KCNIP4: variants seen among roughly 807,000 people sequenced by gnomAD.
KCNIP4 encodes Kv channel-interacting protein 4.
Under a neutral mutation model 34.0 loss-of-function variants are expected in KCNIP4, and 12 were observed. The ratio of observed to expected loss-of-function variants is 0.35; its 90% confidence interval spans 0.23 to 0.57. The LOEUF (loss-of-function observed/expected upper bound fraction) is 0.57. Ranked by LOEUF, KCNIP4 falls within the 20% of genes least tolerant of loss-of-function variation. The pLI, the probability that KCNIP4 is intolerant of heterozygous loss-of-function variation, is 0.83. For missense variants in KCNIP4, 238 were observed against 311.7 expected (o/e 0.76, Z 1.78); for synonymous variants, 124 against 102.2 (o/e 1.21, Z -1.29).
intron 1 of KCNIP4, among the ~76,000 whole-genome samples, chr4:21,543,791 A>C (rs1737900597): frequency 1.3e-5 from 2 of 152,146 alleles, no homozygotes; most frequent in African/African-American, 4.8e-5. Context: ...CCAGGGAAGA[A>C]GACCTTTTTC....
intron 1 of KCNIP4, among the ~76,000 whole-genome samples, chr4:21,051,122 T>C (rs1379724129): frequency 6.6e-6 from 1 of 152,222 alleles, no homozygotes; most frequent in African/African-American, 2.4e-5. Flanking sequence ...AGCCCATGTT[T>C]TATTCATGGT....
chr4:21,508,440 C>T (rs1355980941), intron 1 of KCNIP4, among the ~76,000 whole-genome samples: 15 of 152,096 alleles, frequency 9.9e-5, no homozygotes, highest in Admixed American at 8.5e-4. Flanking sequence ...AGAAATGTCC[C>T]CTCTTCCACC....
intron 1 of KCNIP4, among the ~76,000 whole-genome samples, chr4:21,661,650 A>T (rs1748463415): frequency 6.6e-6 from 1 of 152,166 alleles, no homozygotes; most frequent in Non-Finnish European, 1.5e-5. Flanking sequence ...GTGATGAGCC[A>T]AATTGGCCAG....
rs148928365 is a variant in KCNIP4 at position 21,156,212 on chromosome 4, C to G, written c.62-273503G>C. Among the ~76,000 whole-genome samples, 687 of 152,286 alleles carry G rather than the reference C, an allele frequency of 4.5e-3. 3 individuals are homozygous for G. The highest frequency in any genetic ancestry group is 7.5e-3 in the Non-Finnish European group (513 of 68,006). On this transcript the variant is annotated intron_variant, in intron 1 of 8. Transcript: ENST00000382152. ...GGCAGCTGTACACAGTCAGCTTCAC[C>G]TTCAATATTGTGAAACGGTTGCTTG... is the stretch of plus-strand genomic sequence containing the variant.
intron 1 of KCNIP4, among the ~76,000 whole-genome samples, chr4:20,973,152 G>C (rs1218924742): frequency 1.3e-5 from 2 of 152,166 alleles, no homozygotes; most frequent in African/African-American, 4.8e-5. Flanking sequence ...GAAACTTTTA[G>C]ACAACATCTT....
chr4:20,900,502 G>A (rs2149551014), intron 1 of KCNIP4, among the ~76,000 whole-genome samples: 1 of 152,278 alleles, frequency 6.6e-6, no homozygotes, highest in South Asian at 2.1e-4. Flanking sequence ...AATTTCAAAG[G>A]AGAAAGAGAG....
chr4:20,805,005 A>T (rs1233923944), intron 3 of KCNIP4, among the ~76,000 whole-genome samples: 1 of 152,062 alleles, frequency 6.6e-6, no homozygotes, highest in Non-Finnish European at 1.5e-5. Context: ...AAAATTTCCC[A>T]AGAAGGGTTC....
At chr4:21,600,833 A>G (rs1743055180) in intron 1 of KCNIP4, among the ~76,000 whole-genome samples, 1 of 151,940 alleles carries the variant, frequency 6.6e-6, no homozygotes, top group Non-Finnish European at 1.5e-5. Context: ...TCCTTGCTAC[A>G]TCTATAAAAT....
At chr4:21,142,189 C>T (rs541017887) in intron 1 of KCNIP4, among the ~76,000 whole-genome samples, 6 of 142,174 alleles carry the variant, frequency 4.2e-5, no homozygotes, top group Non-Finnish European at 7.7e-5. Context: ...CAAACAAAAA[C>T]AAAAGTTAAA....
chr4:21,015,938 T>TA (rs1157052454), intron 1 of KCNIP4, among the ~76,000 whole-genome samples: 3 of 144,228 alleles, frequency 2.1e-5, no homozygotes, highest in Non-Finnish European at 3.0e-5. Context: ...AAATTTTTTT[T>TA]TATATATTAA....
At chr4:21,466,673 C>T (rs1729966128) in intron 1 of KCNIP4, among the ~76,000 whole-genome samples, 1 of 152,114 alleles carries the variant, frequency 6.6e-6, no homozygotes, top group Non-Finnish European at 1.5e-5. Flanking sequence ...TAAAGCATTG[C>T]TTCTGCAGTG....
Position 20,758,484 on chromosome 4 carries a change from G to T in KCNIP4, c.358+337C>A, listed in dbSNP as rs758746156. ...TACATTTTTCCTAATTTTCAGAGTTGGGAGAATCAAGTGAGACCTACAATG... is the reference window on the plus strand; with the variant it reads ...TACATTTTTCCTAATTTTCAGAGTTTGGAGAATCAAGTGAGACCTACAATG... On this transcript the variant is annotated intron_variant, in intron 4 of 8. Transcript: ENST00000382152. Among the ~76,000 whole-genome samples, 40 of 152,108 alleles carry T rather than the reference G, an allele frequency of 2.6e-4. 1 individual carries two copies. Among genetic ancestry groups the T allele is most frequent in the Admixed American group, 5.2e-4 (8 of 15,254 alleles).
intron 1 of KCNIP4, among the ~76,000 whole-genome samples, chr4:20,993,653 G>A (rs1030614178): frequency 1.3e-5 from 2 of 152,150 alleles, no homozygotes; most frequent in Non-Finnish European, 2.9e-5. Context: ...CAGTGTTGCA[G>A]CTTATGTGCC....
chr4:21,475,966 A>G (rs1343135079), intron 1 of KCNIP4, among the ~76,000 whole-genome samples: 1 of 152,166 alleles, frequency 6.6e-6, no homozygotes, highest in African/African-American at 2.4e-5. Flanking sequence ...TTATTCCTGC[A>G]GTGCCTTCTC....
chr4:21,531,592 G>A (rs540069458), intron 1 of KCNIP4, among the ~76,000 whole-genome samples: 7 of 151,982 alleles, frequency 4.6e-5, no homozygotes, highest in African/African-American at 1.2e-4. Context: ...GGCCAGGCTG[G>A]TCTGGAACTC....
chr4:21,587,937 T>C (rs1741775077), intron 1 of KCNIP4, among the ~76,000 whole-genome samples: 1 of 152,078 alleles, frequency 6.6e-6, no homozygotes, highest in Non-Finnish European at 1.5e-5. Flanking sequence ...AACTTAATAC[T>C]TCATGAATCA....
intron 1 of KCNIP4, among the ~76,000 whole-genome samples, chr4:21,301,391 G>T (rs1034839661): frequency 2.6e-5 from 4 of 152,100 alleles, no homozygotes; most frequent in Non-Finnish European, 5.9e-5. Context: ...TAAAACAGTT[G>T]TAAGTTTACA....
intron 1 of KCNIP4, among the ~76,000 whole-genome samples, chr4:21,011,201 A>G (rs1038987607): frequency 5.3e-5 from 8 of 152,206 alleles, no homozygotes; most frequent in African/African-American, 1.4e-4. Context: ...GCCCCACAAC[A>G]TGATTCTTAC....
intron 3 of KCNIP4, among the ~76,000 whole-genome samples, chr4:20,760,693 T>C (rs1373858991): frequency 6.6e-6 from 1 of 152,142 alleles, no homozygotes; most frequent in Non-Finnish European, 1.5e-5. Flanking sequence ...AGCACTTTGT[T>C]ACACACTAAG....
Sources: gnomAD v4.1 joint callset for allele counts (sites outside exome capture counted in the v4.1 genomes callset) on GRCh38, gnomAD v4.1.1 for gene constraint, MANE v1.5 for transcripts, NCBI Gene and HGNC (gene_info 2026-07-23, HGNC 2026-07-21) for gene names.